Variants in TMEM132B observed in about 807,000 individuals in gnomAD.
TMEM132B encodes the protein transmembrane protein 132B.
Under a neutral mutation model 90.8 loss-of-function variants are expected in TMEM132B, and 18 were observed. The observed-to-expected ratio is 0.20, with a 90% confidence interval of 0.14 to 0.29. The LOEUF is 0.29. Among genes scored for constraint, TMEM132B ranks in the 10% least tolerant of loss-of-function variants. The pLI is 1.00. For synonymous variants in TMEM132B, 504 were observed against 523.3 expected, an observed-to-expected ratio of 0.96 and a Z score of 0.50; for missense variants, 1,096 against 1,326.8, an observed-to-expected ratio of 0.83 and a Z score of 2.70.
At chr12:125,521,694 C>G (rs1328012920) in intron 4 of TMEM132B, among the ~76,000 whole-genome samples, 1 of 152,168 alleles carries the variant, frequency 6.6e-6, no homozygotes, top group Non-Finnish European at 1.5e-5. Flanking sequence ...ATTTGAGCAG[C>G]CTGGTTAGGG....
intron 3 of TMEM132B, among the ~76,000 whole-genome samples, chr12:125,446,493 G>A (rs1187244859): frequency 1.3e-5 from 2 of 152,180 alleles, no homozygotes; most frequent in Middle Eastern, 3.4e-3. Context: ...AAAAAAAGTT[G>A]GATTTGAATC....
intron 1 of TMEM132B, among the ~76,000 whole-genome samples, chr12:125,306,436 A>C (rs1393198235): frequency 1.3e-5 from 2 of 152,016 alleles, no homozygotes; most frequent in South Asian, 2.1e-4. Flanking sequence ...TTGGTATCTC[A>C]TACTCACCTG....
At chr12:125,495,127 A>G (rs1442046105) in intron 3 of TMEM132B, among the ~76,000 whole-genome samples, 2 of 97,836 alleles carry the variant, frequency 2.0e-5, no homozygotes, top group East Asian at 7.1e-4. Context: ...CTCCCTGAAA[A>G]TGGCCGTGTC....
chr12:125,397,251 G>T (rs1241259841), intron 2 of TMEM132B, among the ~76,000 whole-genome samples: 1 of 152,176 alleles, frequency 6.6e-6, no homozygotes, highest in Admixed American at 6.5e-5. Context: ...GATTAGAGAA[G>T]TTGTGCCCAG....
chr12:125,483,796 T>G lies in TMEM132B; in HGVS notation c.1107-35643T>G, dbSNP rs80138243. Among the ~76,000 whole-genome samples, 21 of 152,308 alleles carry G rather than the reference T, an allele frequency of 1.4e-4. No individual in the cohort carries two copies. In the East Asian group the frequency reaches 4.1e-3, roughly 29 times the overall value. On this transcript the variant is annotated intron_variant, in intron 3 of 8. Transcript: ENST00000682704. ...TTAGGGTTGTGCCTTTAATATTGAC[T>G]CGTTTCTCAATCTTATTCTTTGTGT...
At chr12:125,388,344 G>T (rs1878907816) in intron 2 of TMEM132B, among the ~76,000 whole-genome samples, 1 of 152,114 alleles carries the variant, frequency 6.6e-6, no homozygotes, top group Non-Finnish European at 1.5e-5. Flanking sequence ...CAGGAGAATT[G>T]CTTGAACCCA....
At chr12:125,361,062 C>T (rs939140078) in intron 2 of TMEM132B, among the ~76,000 whole-genome samples, 3 of 152,080 alleles carry the variant, frequency 2.0e-5, no homozygotes, top group African/African-American at 7.2e-5. Flanking sequence ...GACTGTGATG[C>T]TTGGTGCCAG....
At chr12:125,518,902 C>T (rs2615667) in intron 3 of TMEM132B, among the ~76,000 whole-genome samples, 49,300 of 152,112 alleles carry the variant, frequency 0.32, 12,109 homozygotes, top group East Asian at 0.74. Context: ...GAAGTTCTTT[C>T]TCACTCTCAG....
chr12:125,648,174 A>G (rs1886815801), intron 6 of TMEM132B, among the ~76,000 whole-genome samples: 1 of 151,064 alleles, frequency 6.6e-6, no homozygotes, highest in African/African-American at 2.4e-5. Context: ...TATTCTTGCG[A>G]TAGTTTACTG....
At chr12:125,579,102 A>G (rs1223146915) in intron 4 of TMEM132B, among the ~76,000 whole-genome samples, 1 of 152,160 alleles carries the variant, frequency 6.6e-6, no homozygotes, top group Admixed American at 6.5e-5. Flanking sequence ...ATGGCATCAC[A>G]GAAATCTCTG....
At chr12:125,310,534 C>A (rs1398162161) in intron 1 of TMEM132B, among the ~76,000 whole-genome samples, 1 of 152,122 alleles carries the variant, frequency 6.6e-6, no homozygotes, top group Non-Finnish European at 1.5e-5. Flanking sequence ...GGCTTGAACC[C>A]AGGCCTATAA....
rs73416358 is a variant in TMEM132B at position 125,580,550 on chromosome 12, G to C, written c.1294-3301G>C. Among the ~76,000 whole-genome samples the C allele has an allele frequency of 9.1e-3, 1,389 of 152,276 alleles. 14 individuals are homozygous for C. The highest frequency in any genetic ancestry group is 0.031 in the African/African-American group (1,285 of 41,564). ...CTGGTTTTTACTGTCAATGTAGGCTGTTATTTTTTAAAGATACTACAGCAC... is the reference window on the plus strand; with the variant it reads ...CTGGTTTTTACTGTCAATGTAGGCTCTTATTTTTTAAAGATACTACAGCAC... On this transcript the variant is annotated intron_variant, in intron 4 of 8. Transcript: ENST00000682704.
At chr12:125,262,942 G>C (rs891585972) in intron 1 of TMEM132B, among the ~76,000 whole-genome samples, 5 of 152,228 alleles carry the variant, frequency 3.3e-5, no homozygotes, top group African/African-American at 1.2e-4. Flanking sequence ...GGTGCCCCCA[G>C]ATGCAATAAA....
chr12:125,237,565 C>T (rs1227231269), intron 1 of TMEM132B, among the ~76,000 whole-genome samples: 1 of 152,214 alleles, frequency 6.6e-6, no homozygotes, highest in East Asian at 1.9e-4. Context: ...TCTCGTGCCT[C>T]AGCCTCCCAA....
intron 1 of TMEM132B, among the ~76,000 whole-genome samples, chr12:125,330,938 A>C (rs946205931): frequency 6.6e-6 from 1 of 152,254 alleles, no homozygotes; most frequent in African/African-American, 2.4e-5. Context: ...AGGCTGAGGC[A>C]GGAGGTGTTT....
At chr12:125,522,500 A>G (rs1451654103) in intron 4 of TMEM132B, among the ~76,000 whole-genome samples, 1 of 152,212 alleles carries the variant, frequency 6.6e-6, no homozygotes, top group African/African-American at 2.4e-5. Flanking sequence ...ATCCCCCCAA[A>G]GCAACATTTC....
At chr12:125,257,365 G>A (rs772965197) in intron 1 of TMEM132B, among the ~76,000 whole-genome samples, 1 of 152,214 alleles carries the variant, frequency 6.6e-6, no homozygotes, top group Non-Finnish European at 1.5e-5. Flanking sequence ...GTTGGTCAGT[G>A]CAGGGAGAAT....
At chr12:125,357,044 A>G (rs1877797602) in intron 2 of TMEM132B, among the ~76,000 whole-genome samples, 1 of 152,240 alleles carries the variant, frequency 6.6e-6, no homozygotes, top group South Asian at 2.1e-4. Flanking sequence ...GATCTAGAAC[A>G]TTGTCTACCA....
intron 3 of TMEM132B, among the ~76,000 whole-genome samples, chr12:125,513,217 C>A (rs1007773626): frequency 6.6e-6 from 1 of 152,208 alleles, no homozygotes; most frequent in African/African-American, 2.4e-5. Context: ...ACTCTTCATT[C>A]ATTCATTCAT....
Sources: gnomAD v4.1 joint callset for allele counts (sites outside exome capture counted in the v4.1 genomes callset) on GRCh38, gnomAD v4.1.1 for gene constraint, MANE v1.5 for transcripts, NCBI Gene and HGNC (gene_info 2026-07-23, HGNC 2026-07-21) for gene names.